The following TMEM63C variants were observed in gnomAD, a reference collection of about 807,000 sequenced individuals.
The protein encoded by TMEM63C is osmosensitive cation channel TMEM63C.
TMEM63C carries 32 observed loss-of-function variants against 99.2 expected under a neutral mutation model. The ratio of observed to expected loss-of-function variants is 0.32; its 90% CI spans 0.24 to 0.43. The LOEUF (loss-of-function observed/expected upper bound fraction) is 0.43. Among genes scored for constraint, TMEM63C ranks in the 20% least tolerant of loss-of-function variants. TMEM63C has a pLI of 1.00. For missense variants in TMEM63C, 826 were observed against 1,053.0 expected (o/e 0.78, Z 2.98); for synonymous variants, 376 against 397.9 (o/e 0.94, Z 0.66).
At chr14:77,196,604 C>A (rs148124515) in intron 1 of TMEM63C, among the ~76,000 whole-genome samples, 36 of 152,310 alleles carry the variant, frequency 2.4e-4, no homozygotes, top group African/African-American at 8.2e-4. Context: ...AGCCTAGAAT[C>A]CGGCCAGATG....
At chr14:77,243,354 G>A (rs952063723) in intron 15 of TMEM63C, among the ~76,000 whole-genome samples, 4 of 152,172 alleles carry the variant, frequency 2.6e-5, no homozygotes, top group African/African-American at 9.7e-5. Context: ...TGGGCTCAGA[G>A]GTCTTCATGA....
chr14:77,196,743 C>T (rs1228762589), intron 1 of TMEM63C, among the ~76,000 whole-genome samples: 2 of 152,226 alleles, frequency 1.3e-5, no homozygotes, highest in African/African-American at 4.8e-5. Context: ...TCTCTTTTTA[C>T]TTCTCAAGTA....
intron 23 of TMEM63C, among the ~76,000 whole-genome samples, chr14:77,256,077 G>A (rs1889455839): frequency 6.6e-6 from 1 of 152,204 alleles, no homozygotes; most frequent in African/African-American, 2.4e-5. Flanking sequence ...CAAAGTCTCC[G>A]CTAGCAGTTC....
intron 16 of TMEM63C, 118 bp from the exon 17 acceptor site, chr14:77,245,822 T>C (rs1721410737): frequency 2.7e-6 from 2 of 745,118 alleles, no homozygotes; most frequent in Non-Finnish European, 4.8e-6. Context: ...AGATGAGATT[T>C]GGGTGGGGAC....
chr14:77,218,779 C>G, intron 2 of TMEM63C, 22 bp from the exon 3 acceptor site: 1 of 1,610,958 alleles, frequency 6.2e-7, no homozygotes, highest in Non-Finnish European at 8.5e-7. Flanking sequence ...TGCATCTGAC[C>G]TGGATGCCCT....
rs74708074 is a variant in TMEM63C at position 77,233,277 on chromosome 14, A to C, written c.494-175A>C. Among the ~76,000 whole-genome samples, 41 of 152,132 alleles carry C rather than the reference A, an allele frequency of 2.7e-4. 1 individual carries two copies. Among genetic ancestry groups the C allele is most frequent in the African/African-American group, 9.9e-4 (41 of 41,504 alleles). Reference sequence around the variant, plus strand: ...GCCCCAGTCAGCAGTGCCAGGGAAAAGAGGCCTCTGATGTCTTTGTTAAAA... The same window carrying C: ...GCCCCAGTCAGCAGTGCCAGGGAAACGAGGCCTCTGATGTCTTTGTTAAAA... On this transcript the variant is annotated intron_variant, in intron 7 of 23. Transcript: ENST00000298351.
intron 1 of TMEM63C, among the ~76,000 whole-genome samples, chr14:77,185,039 G>A (rs1336563896): frequency 6.6e-6 from 1 of 152,186 alleles, no homozygotes; most frequent in Non-Finnish European, 1.5e-5. Context: ...AGAGTGGGCG[G>A]GGAAGGGGCG....
chr14:77,231,228 C>A (rs1048595482), intron 6 of TMEM63C, among the ~76,000 whole-genome samples: 1 of 152,184 alleles, frequency 6.6e-6, no homozygotes, highest in Non-Finnish European at 1.5e-5. Context: ...CTCAGTACCA[C>A]AAGTGCTTTA....
At chr14:77,213,246 C>T (rs1488316716) in intron 1 of TMEM63C, among the ~76,000 whole-genome samples, 200 bp from the exon 2 acceptor site, 1 of 152,170 alleles carries the variant, frequency 6.6e-6, no homozygotes, top group Non-Finnish European at 1.5e-5. Context: ...AAAACTTTTA[C>T]ACTTCAAAAG....
chr14:77,243,185 T>A, intron 15 of TMEM63C, 129 bp downstream of exon 15: 2 of 1,134,432 alleles, frequency 1.8e-6, no homozygotes, highest in Non-Finnish European at 2.4e-6. Context: ...ATTGTGGAGG[T>A]GGCCATGGTG....
intron 1 of TMEM63C, among the ~76,000 whole-genome samples, chr14:77,185,081 AT>A (rs1887974716): frequency 6.6e-6 from 1 of 152,188 alleles, no homozygotes; most frequent in African/African-American, 2.4e-5. Context: ...CCTTGTAGTC[AT>A]TAGTAATGCT....
chr14:77,239,457 C>T lies in TMEM63C; in HGVS notation c.771C>T (p.Tyr257=), dbSNP rs374206053. Residue 257 remains tyrosine (Y), a synonymous_variant, in exon 11 of 24, where the codon TAC becomes TAT. Transcript: ENST00000298351. The stretch of plus-strand genomic sequence containing the variant: ...TCGTGACAAGAGTCCACTTCTGCTA[C>T]GACGTCAGGAACCTGATCGACTTGG... ...GSVVTRVHFC[Y]DVRNLIDLDD... The T allele has an allele frequency of 7.4e-5, 119 of 1,613,726 alleles. No homozygotes were observed. In the African/African-American group the frequency reaches 1.3e-3, roughly 18 times the overall value.
chr14:77,240,410 C>A (rs576447233), intron 12 of TMEM63C, 65 bp from the exon 13 acceptor site: 38 of 1,527,350 alleles, frequency 2.5e-5, no homozygotes, highest in African/African-American at 2.1e-4. Flanking sequence ...TGGGGAGGAA[C>A]CTCGTGACCA....
chr14:77,206,806 G>A (rs1300157617), intron 1 of TMEM63C, among the ~76,000 whole-genome samples: 2 of 152,014 alleles, frequency 1.3e-5, no homozygotes. Flanking sequence ...AACAATACAT[G>A]TTCATATTAA....
intron 1 of TMEM63C, among the ~76,000 whole-genome samples, chr14:77,203,285 G>A (rs572516486): frequency 6.6e-6 from 1 of 151,554 alleles, no homozygotes; most frequent in East Asian, 1.9e-4. Flanking sequence ...AGGAGGCTGA[G>A]GCAGGAGAAT....
At chr14:77,240,135 G>A (rs1408885523) in intron 12 of TMEM63C, among the ~76,000 whole-genome samples, 6 of 152,222 alleles carry the variant, frequency 3.9e-5, no homozygotes, top group Admixed American at 1.3e-4. Flanking sequence ...ACCTGCTTCA[G>A]GACCATGCCG....
At chr14:77,230,851 C>T (rs369242581) in intron 6 of TMEM63C, among the ~76,000 whole-genome samples, 2 of 152,154 alleles carry the variant, frequency 1.3e-5, no homozygotes, top group South Asian at 4.1e-4. Context: ...GTTCTTGTGT[C>T]CATTTCACCT....
At chr14:77,233,572 A>T in intron 8 of TMEM63C, 72 bp downstream of exon 8, 1 of 1,516,568 alleles carries the variant, frequency 6.6e-7, no homozygotes, top group Non-Finnish European at 9.1e-7. Context: ...CTAACATGTC[A>T]GTTTGCAACA....
chr14:77,227,694 G>T (rs910056854), intron 6 of TMEM63C, among the ~76,000 whole-genome samples: 16 of 152,352 alleles, frequency 1.1e-4, no homozygotes, highest in Admixed American at 9.8e-4. Flanking sequence ...CCAGGACAAG[G>T]CTCCCCTCTA....
Sources: allele counts gnomAD v4.1 joint callset (sites outside exome capture counted in the v4.1 genomes callset), GRCh38; gene constraint gnomAD v4.1.1; transcripts MANE v1.5; gene names NCBI Gene and HGNC (gene_info 2026-07-23, HGNC 2026-07-21).